Variants in NBPF9 observed in about 807,000 individuals in gnomAD.
NBPF9 encodes the protein NBPF family member NBPF9.
Under a neutral mutation model 97.8 loss-of-function variants are expected in NBPF9, and 91 were observed. That is an observed-to-expected ratio of 0.93 (90% CI 0.79 to 1.11). The LOEUF is 1.11. Among genes scored for constraint, NBPF9 ranks in the 50% least tolerant of loss-of-function variants. The pLI is 0.00. For synonymous variants in NBPF9, 334 were observed against 359.5 expected (o/e 0.93, Z 0.80); for missense variants, 992 against 939.5 (o/e 1.06, Z -0.73).
chr1:149,099,307 C>G (rs1353562416), intron 3 of NBPF9, among the ~76,000 whole-genome samples: 9 of 152,328 alleles, frequency 5.9e-5, no homozygotes, highest in African/African-American at 1.9e-4. Flanking sequence ...ATCTTAGCAG[C>G]AACACATACA....
chr1:149,055,509 G>C, exon 30 of NBPF9: 9 of 1,532,082 alleles, frequency 5.9e-6, no homozygotes, highest in Admixed American at 3.9e-5. Context: ...GGTTGCCACT[G>C]GCATGGTTTG....
chr1:149,082,146 G>T, exon 7 of NBPF9: 3 of 1,612,008 alleles, frequency 1.9e-6, no homozygotes, highest in East Asian at 4.5e-5. Context: ...CCATGCTGAC[G>T]TTTGTGGCAG....
chr1:149,055,945 C>G (rs9424776), intron 29 of NBPF9, 46 bp from the exon 30 acceptor site: 1 of 1,611,688 alleles, frequency 6.2e-7, no homozygotes, highest in South Asian at 1.1e-5. Context: ...GAAAATCAGA[C>G]ACCACAGAGC....
exon 18 of NBPF9, chr1:149,065,581 G>T: frequency 6.2e-7 from 1 of 1,609,956 alleles, no homozygotes; most frequent in Non-Finnish European, 8.5e-7. Flanking sequence ...GAAATGTGCT[G>T]CTGTAAGACT....
At chr1:149,103,358 C>G (rs1377626909) in exon 1 of NBPF9, 6 of 152,098 alleles carry the variant, frequency 3.9e-5, no homozygotes, top group Admixed American at 3.9e-4. Flanking sequence ...AGACGGCAGC[C>G]GCGCCGCCGC....
At chr1:149,061,419 C>T in intron 22 of NBPF9, 36 bp from the exon 23 acceptor site, 2 of 387,312 alleles carry the variant, frequency 5.2e-6, no homozygotes, top group East Asian at 4.4e-5. Flanking sequence ...ACAAAATAAG[C>T]CAATTCACCT....
chr1:149,074,548 C>G (rs113785074), intron 12 of NBPF9, among the ~76,000 whole-genome samples: 1 of 151,420 alleles, frequency 6.6e-6, no homozygotes, highest in African/African-American at 2.4e-5. Context: ...ATGTAATTCA[C>G]TGCAGCAATT....
chr1:149,079,346 T>A (rs77881798), intron 8 of NBPF9, 125 bp from the exon 9 acceptor site: 4 of 889,706 alleles, frequency 4.5e-6, no homozygotes, highest in African/African-American at 3.3e-5. Flanking sequence ...CAGCACATGT[T>A]GAAAGGAATG....
At chr1:149,055,978 A>T in intron 29 of NBPF9, 79 bp from the exon 30 acceptor site, 1 of 1,611,408 alleles carries the variant, frequency 6.2e-7, no homozygotes, top group Non-Finnish European at 8.5e-7. Flanking sequence ...CAGAAGTAAC[A>T]TAAGGAAGTG....
At chr1:149,068,623 A>T (rs1462384694) in intron 17 of NBPF9, among the ~76,000 whole-genome samples, 3 of 151,222 alleles carry the variant, frequency 2.0e-5, no homozygotes, top group Non-Finnish European at 4.4e-5. Flanking sequence ...CCAGATTCAT[A>T]AAGCAAGTCC....
At chr1:149,082,250 T>C (rs1476910467) in intron 6 of NBPF9, 22 bp downstream of exon 6, 6 of 1,277,818 alleles carry the variant, frequency 4.7e-6, no homozygotes, top group African/African-American at 4.5e-5. Flanking sequence ...GACTGAGGGA[T>C]GTCAGTAACT....
At chr1:149,082,979 TTTTGTA>T (rs1559537883) in intron 5 of NBPF9, among the ~76,000 whole-genome samples, 5 of 129,996 alleles carry the variant, frequency 3.8e-5, no homozygotes, top group African/African-American at 8.9e-5. Context: ...TTTTTTTTTT[TTTTGTA>T]TTTTTAGTAG....
chr1:149,063,200 C>G (rs1236427899), intron 20 of NBPF9, among the ~76,000 whole-genome samples: 1 of 138,482 alleles, frequency 7.2e-6, no homozygotes. Context: ...CGATTTAAAG[C>G]AAATGCCCCC....
Position 149,064,693 on chromosome 1 carries a change from T to G in NBPF9, c.1802-211A>C, listed in dbSNP as rs1393157787. ...AGCCTTGGGCAAAATTCCCCTGTGT[T>G]GGAATGTTATCTTCCCTATGTGCTC... On this transcript the variant is annotated intron_variant, in intron 18 of 29. Coordinates refer to ENST00000584027, the Ensembl canonical transcript of NBPF9. 32 of 613,652 alleles carry G rather than the reference T, an allele frequency of 5.2e-5. No homozygotes were observed. In the East Asian group the frequency reaches 8.1e-4, roughly 15 times the overall value. 38.0% of individuals were successfully genotyped at this position (613,652 alleles called of 1,614,324 possible).
intron 29 of NBPF9, 121 bp from the exon 30 acceptor site, chr1:149,056,020 G>A (rs1476928977): frequency 8.5e-5 from 134 of 1,584,946 alleles, no homozygotes; most frequent in Non-Finnish European, 1.1e-4. Context: ...ATCCATTAAT[G>A]AGGTAAAAAA....
At chr1:149,059,908 G>T in intron 24 of NBPF9, 100 bp from the exon 25 acceptor site, 1 of 468,690 alleles carries the variant, frequency 2.1e-6, no homozygotes, top group Non-Finnish European at 3.9e-6. Flanking sequence ...AGGCTCCTCA[G>T]CATAAGAATA....
At chr1:149,081,788 CTAAA>C (rs1198419159) in intron 7 of NBPF9, among the ~76,000 whole-genome samples, 173 bp downstream of exon 7, 2 of 130,298 alleles carry the variant, frequency 1.5e-5, no homozygotes, top group Non-Finnish European at 3.2e-5. Context: ...TGGAAAGTTG[CTAAA>C]TACTTTGGTA....
intron 19 of NBPF9, among the ~76,000 whole-genome samples, chr1:149,064,217 T>G (rs1472574896): frequency 7.1e-6 from 1 of 140,246 alleles, no homozygotes; most frequent in Non-Finnish European, 1.5e-5. Context: ...TTTTGAGGTA[T>G]GGTCAACTTT....
At chr1:149,079,176 C>G (rs782153123) in exon 9 of NBPF9, 49 of 1,233,602 alleles carry the variant, frequency 4.0e-5, no homozygotes, top group Non-Finnish European at 5.6e-5. Context: ...TCTCCTTTAA[C>G]TGCGTCAGCT....
Sources: allele counts gnomAD v4.1 joint callset (sites outside exome capture counted in the v4.1 genomes callset), GRCh38; gene constraint gnomAD v4.1.1; transcripts MANE v1.5; gene names NCBI Gene and HGNC (gene_info 2026-07-23, HGNC 2026-07-21).